Variants in GRIA1 observed in about 807,000 individuals in gnomAD.
The protein encoded by GRIA1 is glutamate receptor 1.
In GRIA1, 31 loss-of-function variants were observed where a neutral mutation model predicts 99.2. That is an observed-to-expected ratio of 0.31 (90% CI 0.23 to 0.42). The LOEUF (loss-of-function observed/expected upper bound fraction) is 0.42. GRIA1 is among the 10% of genes least tolerant of loss of function. The pLI, the probability that GRIA1 is intolerant of heterozygous loss-of-function variation, is 1.00. For synonymous variants in GRIA1, 438 were observed against 432.4 expected, an observed-to-expected ratio of 1.01 and a Z score of -0.16; for missense variants, 782 against 1,157.5, an observed-to-expected ratio of 0.68 and a Z score of 4.71.
Position 153,666,859 on chromosome 5 carries a change from G to A in GRIA1, c.700-7641G>A, listed in dbSNP as rs577007599. Among the ~76,000 whole-genome samples the A allele has an allele frequency of 2.0e-5, 3 of 152,028 alleles. No homozygotes were observed. In the East Asian group the frequency reaches 5.8e-4, roughly 29 times the overall value. On this transcript the variant is annotated intron_variant, in intron 5 of 15. Transcript: ENST00000285900. ...CTTCTATGACATTTGCCCTTTCATT[G>A]GCTCTGGCCTGCGTTCCAGAGCCTC...
At chr5:153,779,103 C>A (rs1391654245) in intron 13 of GRIA1, among the ~76,000 whole-genome samples, 1 of 152,054 alleles carries the variant, frequency 6.6e-6, no homozygotes, top group Non-Finnish European at 1.5e-5. Context: ...GGTAGGGGAG[C>A]CTTACATTCG....
intron 5 of GRIA1, among the ~76,000 whole-genome samples, chr5:153,661,612 C>T (rs897542957): frequency 2.0e-5 from 3 of 152,096 alleles, no homozygotes; most frequent in Non-Finnish European, 4.4e-5. Flanking sequence ...CTGTTGAATT[C>T]CCAGGGCCTG....
In GRIA1 at chr5:153,811,420, T is replaced by A; in HGVS notation, c.*195T>A. 1 of 557,786 alleles carries A rather than the reference T, an allele frequency of 1.8e-6. No individual in the cohort carries two copies. The highest frequency in any genetic ancestry group is 3.2e-6 in the Non-Finnish European group (1 of 309,452). The allele number at this position is 557,786 out of a possible 1,614,324, so 34.6% of individuals were successfully genotyped here. ...TGTCCCTTTTCCTTTTTTGATGTTC[T>A]TTCACCCTTTTCTGTTTGCTAAGTG... On this transcript the variant is annotated 3_prime_UTR_variant, in exon 16 of 16. Coordinates refer to ENST00000285900, the MANE Select transcript of GRIA1 (RefSeq NM_000827.4).
At chr5:153,773,916 A>C (rs1764045856) in intron 13 of GRIA1, among the ~76,000 whole-genome samples, 1 of 152,134 alleles carries the variant, frequency 6.6e-6, no homozygotes, top group South Asian at 2.1e-4. Context: ...TGGCCTAGGA[A>C]AGTTCCTCTA....
chr5:153,538,207 A>G lies in GRIA1; in HGVS notation c.220+44142A>G, dbSNP rs1273586582. On this transcript the variant is annotated intron_variant, in intron 2 of 15. Transcript: ENST00000285900. ...TCCCAAAATATTTAGAAATGATGGG[A>G]AGTAGGGGGAATTGTGCTCCCTTGA... Among the ~76,000 whole-genome samples the G allele has an allele frequency of 3.3e-5, 5 of 152,148 alleles. No individual in the cohort carries two copies. The East Asian group carries it at 9.6e-4, about 29-fold the overall frequency.
rs772744445 is a variant in GRIA1 at position 153,741,933 on chromosome 5, T to TAAA, written c.1824-22501_1824-22500insAAA. On this transcript the variant is annotated intron_variant, in intron 11 of 15. Transcript: ENST00000285900. The stretch of plus-strand genomic sequence containing the variant: ...TTAACGTATAAAACTAAAGCTTTTT[T>TAAA]TAAAAAAAAAAAAAAAAGAAAAAGA... Among the ~76,000 whole-genome samples, 473 of 100,674 alleles carry TAAA rather than the reference T, an allele frequency of 4.7e-3. 7 individuals are homozygous for TAAA. The highest frequency in any genetic ancestry group is 0.017 in the African/African-American group (436 of 25,782). 66.0% of individuals were successfully genotyped at this position (100,674 alleles called of 152,430 possible). A position where few individuals can be genotyped will look rare whatever the true frequency, so the allele number is the denominator to read the frequency against.
intron 2 of GRIA1, among the ~76,000 whole-genome samples, chr5:153,552,454 C>T (rs1486477063): frequency 6.6e-6 from 1 of 152,012 alleles, no homozygotes; most frequent in Non-Finnish European, 1.5e-5. Flanking sequence ...AGTTCACAGA[C>T]TTACAGAGTT....
At chr5:153,529,857 G>A (rs1256516869) in intron 2 of GRIA1, among the ~76,000 whole-genome samples, 3 of 152,116 alleles carry the variant, frequency 2.0e-5, no homozygotes, top group Admixed American at 6.5e-5. Context: ...ACAATAAAAT[G>A]AGCCCTCTCA....
At chr5:153,522,324 T>C (rs1292950844) in intron 2 of GRIA1, among the ~76,000 whole-genome samples, 1 of 152,228 alleles carries the variant, frequency 6.6e-6, no homozygotes, top group Non-Finnish European at 1.5e-5. Context: ...TTATTGATAT[T>C]TAAAATGTCC....
At chr5:153,809,515 G>T (rs138380310) in intron 15 of GRIA1, among the ~76,000 whole-genome samples, 3 of 152,314 alleles carry the variant, frequency 2.0e-5, no homozygotes, top group African/African-American at 7.2e-5. Flanking sequence ...GGTCAAAACT[G>T]CCCTGTTTAT....
intron 2 of GRIA1, chr5:153,573,257 G>A (rs1480748297): frequency 2.6e-5 from 4 of 152,142 alleles, no homozygotes; most frequent in Admixed American, 2.6e-4. Flanking sequence ...GGGCCTGCCT[G>A]GAGGACATTT....
intron 5 of GRIA1, among the ~76,000 whole-genome samples, chr5:153,663,118 T>C (rs1013826318): frequency 5.9e-5 from 9 of 152,150 alleles, no homozygotes; most frequent in African/African-American, 2.2e-4. Context: ...CATCCCAGTC[T>C]AGGTTACTCT....
intron 2 of GRIA1, among the ~76,000 whole-genome samples, chr5:153,614,115 A>G (rs1396587541): frequency 6.6e-6 from 1 of 152,230 alleles, no homozygotes; most frequent in Non-Finnish European, 1.5e-5. Flanking sequence ...TTTAGGTCTC[A>G]GCTCAAATGA....
chr5:153,524,757 G>T (rs1338029774), intron 2 of GRIA1, among the ~76,000 whole-genome samples: 4 of 152,082 alleles, frequency 2.6e-5, no homozygotes, highest in Non-Finnish European at 4.4e-5. Context: ...TCAGGGATTT[G>T]TACCTTCTTG....
At chr5:153,626,123 G>A (rs1003226829) in intron 2 of GRIA1, among the ~76,000 whole-genome samples, 46 of 152,122 alleles carry the variant, frequency 3.0e-4, no homozygotes, top group African/African-American at 1.0e-3. Context: ...TCTGAAATGC[G>A]AATGAAAAAT....
At chr5:153,810,337 C>T (rs1051385898) in intron 15 of GRIA1, among the ~76,000 whole-genome samples, 1 of 152,196 alleles carries the variant, frequency 6.6e-6, no homozygotes, top group Non-Finnish European at 1.5e-5. Flanking sequence ...TGTTCCTTTC[C>T]AATTAGATTT....
intron 2 of GRIA1, among the ~76,000 whole-genome samples, chr5:153,639,842 A>G (rs558220380): frequency 5.3e-5 from 8 of 152,314 alleles, no homozygotes; most frequent in Admixed American, 4.6e-4. Context: ...GAAAATTTCA[A>G]TCTGTAGGAC....
chr5:153,771,004 C>G (rs548506121), intron 13 of GRIA1, among the ~76,000 whole-genome samples: 1 of 152,312 alleles, frequency 6.6e-6, no homozygotes, highest in East Asian at 1.9e-4. Context: ...GCAGAGTGGA[C>G]TTTACTTTCA....
At chr5:153,492,165 G>T (rs1295815497) in intron 1 of GRIA1, 10 of 1,503,848 alleles carry the variant, frequency 6.6e-6, no homozygotes, top group Admixed American at 4.1e-5. Flanking sequence ...GTTTGAGGGG[G>T]GATGTGGTGC....
Sources: gnomAD v4.1 joint callset for allele counts (sites outside exome capture counted in the v4.1 genomes callset) on GRCh38, gnomAD v4.1.1 for gene constraint, MANE v1.5 for transcripts, NCBI Gene and HGNC (gene_info 2026-07-23, HGNC 2026-07-21) for gene names.